Variants in LIN7A observed in about 807,000 individuals in gnomAD.
The protein encoded by LIN7A is lin-7 cell polarity scaffold A.
Under a neutral mutation model 29.8 loss-of-function variants are expected in LIN7A, and 25 were observed. The observed-to-expected ratio is 0.84, with a 90% CI of 0.61 to 1.17. The LOEUF is 1.17. Ranked by LOEUF, LIN7A falls within the 50% of genes most tolerant of loss-of-function variation. The probability of loss-of-function intolerance (pLI) is 0.00; values close to 1 mark genes in which losing one functional copy is unlikely to be tolerated. For synonymous variants in LIN7A, 118 were observed against 107.5 expected (o/e 1.10, Z -0.60); for missense variants, 239 against 287.0 (o/e 0.83, Z 1.21).
At chr12:80,841,896 T>C in intron 4 of LIN7A, 1 of 1,036,214 alleles carries the variant, frequency 9.7e-7, no homozygotes, top group South Asian at 3.1e-5. Context: ...CTCCTATTAA[T>C]GTTAAATTTT....
At chr12:80,908,137 A>T (rs972652214) in intron 1 of LIN7A, among the ~76,000 whole-genome samples, 2 of 152,102 alleles carry the variant, frequency 1.3e-5, no homozygotes, top group African/African-American at 4.8e-5. Flanking sequence ...CCACTGTACT[A>T]CTCAATATTT....
At chr12:80,911,045 A>G (rs1390738239) in intron 1 of LIN7A, among the ~76,000 whole-genome samples, 1 of 152,190 alleles carries the variant, frequency 6.6e-6, no homozygotes, top group Non-Finnish European at 1.5e-5. Context: ...TTTTAACTAC[A>G]AATTAATTTT....
intron 1 of LIN7A, among the ~76,000 whole-genome samples, chr12:80,934,971 G>A (rs1041741405): frequency 1.3e-5 from 2 of 152,100 alleles, no homozygotes; most frequent in Admixed American, 6.5e-5. Context: ...GGAAAGCTAG[G>A]TTGAGAATCT....
At chr12:80,811,434 T>TAC (rs963160612) in intron 5 of LIN7A, 31 bp downstream of exon 5, 2 of 784,046 alleles carry the variant, frequency 2.6e-6, no homozygotes, top group South Asian at 1.5e-5. Context: ...TATATATATA[T>TAC]ACTCCTTGTA....
intron 4 of LIN7A, among the ~76,000 whole-genome samples, chr12:80,813,690 T>C (rs1375129959): frequency 6.6e-6 from 1 of 152,142 alleles, no homozygotes; most frequent in South Asian, 2.1e-4. Context: ...CTGAAGATTC[T>C]CCAGGTTAGG....
At chr12:80,896,253 G>T (rs1875888275) in intron 1 of LIN7A, among the ~76,000 whole-genome samples, 1 of 152,190 alleles carries the variant, frequency 6.6e-6, no homozygotes. Context: ...CCTACATGTG[G>T]AAGGTCAGAC....
intron 2 of LIN7A, among the ~76,000 whole-genome samples, chr12:80,865,003 T>C (rs1044332002): frequency 2.3e-4 from 35 of 152,200 alleles, no homozygotes. Flanking sequence ...TTCATGTAAA[T>C]GCAAAGAATC....
chr12:80,870,071 G>A (rs1238076861), intron 2 of LIN7A, among the ~76,000 whole-genome samples: 5 of 152,104 alleles, frequency 3.3e-5, no homozygotes, highest in African/African-American at 9.7e-5. Context: ...GCAAGGCTCT[G>A]GAAACTTCCC....
intron 1 of LIN7A, among the ~76,000 whole-genome samples, chr12:80,900,778 A>G (rs998401190): frequency 6.6e-6 from 1 of 152,168 alleles, no homozygotes; most frequent in African/African-American, 2.4e-5. Context: ...TTATGTAAGT[A>G]TTTGTATTCA....
chr12:80,842,520 C>T (rs1193728551), intron 4 of LIN7A, among the ~76,000 whole-genome samples: 1 of 152,136 alleles, frequency 6.6e-6, no homozygotes, highest in Non-Finnish European at 1.5e-5. Flanking sequence ...ATGGCATGTT[C>T]TGAAAATCTT....
chr12:80,906,503 G>C (rs556080024), intron 1 of LIN7A, among the ~76,000 whole-genome samples: 3 of 151,996 alleles, frequency 2.0e-5, no homozygotes, highest in Non-Finnish European at 4.4e-5. Flanking sequence ...CTGGGGGTTG[G>C]GGGGTTTGCC....
At chr12:80,868,260 T>C (rs752446328) in intron 2 of LIN7A, among the ~76,000 whole-genome samples, 4 of 152,186 alleles carry the variant, frequency 2.6e-5, no homozygotes, top group Non-Finnish European at 5.9e-5. Context: ...GAGACATCTG[T>C]CCTTCTGGTA....
intron 1 of LIN7A, among the ~76,000 whole-genome samples, chr12:80,899,285 T>C (rs1565921034): frequency 6.6e-6 from 1 of 152,228 alleles, no homozygotes; most frequent in African/African-American, 2.4e-5. Flanking sequence ...ATCACATTTA[T>C]TGATTTGTGT....
intron 2 of LIN7A, among the ~76,000 whole-genome samples, chr12:80,887,103 CA>C (rs1875367959): frequency 3.9e-5 from 6 of 152,074 alleles, no homozygotes; most frequent in Admixed American, 3.9e-4. Context: ...TGTTCAAGCC[CA>C]AACCTAAGAT....
At chr12:80,924,358 T>C (rs1877466509) in intron 1 of LIN7A, among the ~76,000 whole-genome samples, 1 of 152,230 alleles carries the variant, frequency 6.6e-6, no homozygotes, top group South Asian at 2.1e-4. Flanking sequence ...CTGAAGCCCA[T>C]GCAATCTTTC....
At chr12:80,798,541 C>T (rs769536049) in intron 5 of LIN7A, among the ~76,000 whole-genome samples, 5 of 151,916 alleles carry the variant, frequency 3.3e-5, no homozygotes, top group Non-Finnish European at 5.9e-5. Flanking sequence ...GAGTCACCAA[C>T]GAGATATTAT....
intron 2 of LIN7A, among the ~76,000 whole-genome samples, chr12:80,887,658 A>T (rs1184298874): frequency 2.0e-5 from 3 of 152,002 alleles, no homozygotes; most frequent in Non-Finnish European, 1.5e-5. Context: ...GACCCCTCTA[A>T]TCCTGCTTTA....
rs1870512137 is a variant in LIN7A at position 80,797,565 on chromosome 12, A to G, written c.*162T>C. On this transcript the variant is annotated 3_prime_UTR_variant, in exon 6 of 6. Coordinates refer to ENST00000552864, the MANE Select transcript of LIN7A (RefSeq NM_004664.4). ...GTGGCGGTTCAAGCCCAGAGAAAGA[A>G]GGTGTTGAGTTGCCTTGGTAAAGAA... 1 of 152,662 alleles carries G rather than the reference A, an allele frequency of 6.6e-6. No individual in the cohort carries two copies. Among genetic ancestry groups the G allele is most frequent in the African/African-American group, 2.4e-5 (1 of 41,454 alleles). 9.5% of individuals were successfully genotyped at this position (152,662 alleles called of 1,614,324 possible).
At chr12:80,900,837 T>C (rs1444471537) in intron 1 of LIN7A, among the ~76,000 whole-genome samples, 1 of 152,184 alleles carries the variant, frequency 6.6e-6, no homozygotes, top group Non-Finnish European at 1.5e-5. Context: ...ACATTTAGAA[T>C]TCTTACAAAT....
Sources: allele counts gnomAD v4.1 joint callset (sites outside exome capture counted in the v4.1 genomes callset), GRCh38; gene constraint gnomAD v4.1.1; transcripts MANE v1.5; gene names NCBI Gene and HGNC (gene_info 2026-07-23, HGNC 2026-07-21).